Variants in TMEM135 observed in about 807,000 individuals in gnomAD.
TMEM135 encodes transmembrane protein 135, also known as peroxisomal membrane protein 52.
A neutral mutation model predicts 60.3 loss-of-function variants in TMEM135; 30 were observed. That is an observed-to-expected ratio of 0.50 (90% CI 0.37 to 0.68). The LOEUF (loss-of-function observed/expected upper bound fraction) is 0.68, where lower values mean the gene tolerates loss of function less well. Ranked by LOEUF, TMEM135 falls within the 30% of genes least tolerant of loss-of-function variation. The probability of loss-of-function intolerance (pLI) is 0.00; values close to 1 mark genes in which losing one functional copy is unlikely to be tolerated. For synonymous variants in TMEM135, 190 were observed against 186.7 expected (o/e 1.02, Z -0.14); for missense variants, 468 against 548.8 (o/e 0.85, Z 1.47).
At chr11:87,316,728 C>T (rs1204772229) in intron 12 of TMEM135, among the ~76,000 whole-genome samples, 1 of 151,820 alleles carries the variant, frequency 6.6e-6, no homozygotes, top group East Asian at 1.9e-4. Flanking sequence ...CAAGAGGAAA[C>T]CAATATTGAG....
chr11:87,091,501 T>G, intron 4 of TMEM135, 106 bp downstream of exon 4: 1 of 1,090,352 alleles, frequency 9.2e-7, no homozygotes, highest in South Asian at 1.3e-5. Flanking sequence ...TATTTGAGGA[T>G]AATCTTCTCT....
chr11:87,040,739 A>G (rs891516864), intron 1 of TMEM135, among the ~76,000 whole-genome samples: 2 of 151,854 alleles, frequency 1.3e-5, no homozygotes, highest in African/African-American at 4.8e-5. Flanking sequence ...GACTTTGTAT[A>G]TGTTACTTTA....
intron 5 of TMEM135, among the ~76,000 whole-genome samples, chr11:87,169,961 T>C (rs1939186186): frequency 6.6e-6 from 1 of 152,184 alleles, no homozygotes; most frequent in African/African-American, 2.4e-5. Flanking sequence ...TTTGGTCTTT[T>C]CATATAGTCC....
chr11:87,264,481 A>G (rs761986254), intron 6 of TMEM135, among the ~76,000 whole-genome samples: 11 of 151,878 alleles, frequency 7.2e-5, no homozygotes, highest in Non-Finnish European at 1.3e-4. Flanking sequence ...CTGTTTATAT[A>G]TTATTGATAG....
intron 5 of TMEM135, among the ~76,000 whole-genome samples, chr11:87,223,056 A>G (rs1191703149): frequency 1.3e-5 from 2 of 152,172 alleles, no homozygotes; most frequent in Non-Finnish European, 2.9e-5. Context: ...TTTCCTTGCT[A>G]TAATAAGCAT....
intron 5 of TMEM135, among the ~76,000 whole-genome samples, chr11:87,167,663 T>A (rs777226299): frequency 2.0e-5 from 3 of 152,202 alleles, no homozygotes; most frequent in Non-Finnish European, 4.4e-5. Context: ...GAAGCTGACT[T>A]GATCATGGTG....
At chr11:87,212,069 G>A (rs571758830) in intron 5 of TMEM135, among the ~76,000 whole-genome samples, 3 of 152,284 alleles carry the variant, frequency 2.0e-5, no homozygotes, top group Non-Finnish European at 2.9e-5. Flanking sequence ...ATTATTTAGA[G>A]GAGATATTGT....
At chr11:87,039,065 A>G (rs1949729124) in intron 1 of TMEM135, among the ~76,000 whole-genome samples, 1 of 152,184 alleles carries the variant, frequency 6.6e-6, no homozygotes, top group Non-Finnish European at 1.5e-5. Context: ...AAGACAGATC[A>G]TATTTTTTGT....
Position 87,327,030 on chromosome 11 carries a change from A to G in TMEM135, c.*5697A>G. ...GGCAGTTTTTCCTTGCTGAGGGAACACTGATGTTGTTTAAGACAGTTACAT... is the reference window on the plus strand; with the variant it reads ...GGCAGTTTTTCCTTGCTGAGGGAACGCTGATGTTGTTTAAGACAGTTACAT... On this transcript the variant is annotated 3_prime_UTR_variant, in exon 15 of 15. Coordinates refer to ENST00000305494, the MANE Select transcript of TMEM135 (RefSeq NM_022918.4). 1 of 453,508 alleles carries G rather than the reference A, an allele frequency of 2.2e-6. No individual in the cohort carries two copies. Among genetic ancestry groups the G allele is most frequent in the Non-Finnish European group, 4.4e-6 (1 of 226,720 alleles). The allele number at this position is 453,508 out of a possible 1,614,324, so 28.1% of individuals were successfully genotyped here. A position where few individuals can be genotyped will look rare whatever the true frequency, so the allele number is the denominator to read the frequency against.
At chr11:87,300,368 G>C (rs551396779) in intron 7 of TMEM135, among the ~76,000 whole-genome samples, 1 of 152,168 alleles carries the variant, frequency 6.6e-6, no homozygotes, top group Non-Finnish European at 1.5e-5. Context: ...AGACTCTGAA[G>C]GTGCGCTAGC....
chr11:87,167,442 G>A (rs1939086590), intron 5 of TMEM135, among the ~76,000 whole-genome samples: 1 of 152,116 alleles, frequency 6.6e-6, no homozygotes, highest in African/African-American at 2.4e-5. Flanking sequence ...TTGTCTGTGG[G>A]TTTGTCATAA....
intron 5 of TMEM135, among the ~76,000 whole-genome samples, chr11:87,179,365 T>C (rs756629201): frequency 3.3e-5 from 5 of 152,104 alleles, no homozygotes; most frequent in Non-Finnish European, 7.3e-5. Context: ...GAAGACAAAA[T>C]GTTCTAAATT....
At chr11:87,071,241 A>G (rs1020123354) in intron 2 of TMEM135, among the ~76,000 whole-genome samples, 4 of 152,218 alleles carry the variant, frequency 2.6e-5, no homozygotes, top group Non-Finnish European at 4.4e-5. Context: ...ATTTAAGGGA[A>G]TAATTTAATA....
intron 6 of TMEM135, among the ~76,000 whole-genome samples, chr11:87,285,258 C>CTTT (rs1381855031): frequency 3.9e-5 from 6 of 152,100 alleles, no homozygotes; most frequent in African/African-American, 1.2e-4. Context: ...CTAGTGTATT[C>CTTT]TTTTACGTGG....
intron 5 of TMEM135, among the ~76,000 whole-genome samples, chr11:87,193,153 A>G (rs1210512698): frequency 6.6e-6 from 1 of 152,054 alleles, no homozygotes; most frequent in East Asian, 1.9e-4. Flanking sequence ...TTTTCATCAT[A>G]TATAATAGGC....
At chr11:87,038,609 CT>C (rs3045930) in intron 1 of TMEM135, among the ~76,000 whole-genome samples, 43,287 of 113,334 alleles carry the variant, frequency 0.38, 8,962 homozygotes, top group Non-Finnish European at 0.49. Flanking sequence ...TTTTATTTTG[CT>C]TTTTTTTTTT....
At chr11:87,091,105 T>A (rs1410175709) in intron 3 of TMEM135, among the ~76,000 whole-genome samples, 1 of 152,082 alleles carries the variant, frequency 6.6e-6, no homozygotes. Flanking sequence ...GGGGAAATAG[T>A]AATTTTAAAT....
At chr11:87,214,142 ATTC>A (rs923606705) in intron 5 of TMEM135, among the ~76,000 whole-genome samples, 5 of 152,150 alleles carry the variant, frequency 3.3e-5, no homozygotes, top group Non-Finnish European at 7.4e-5. Context: ...CTGAGTCTTA[ATTC>A]TTTAATTCCA....
At chr11:87,151,141 G>A (rs1485661533) in intron 4 of TMEM135, among the ~76,000 whole-genome samples, 1 of 152,046 alleles carries the variant, frequency 6.6e-6, no homozygotes, top group African/African-American at 2.4e-5. Context: ...AAAAATCACT[G>A]TGCTGAGTAT....
Sources: gnomAD v4.1 joint callset for allele counts (sites outside exome capture counted in the v4.1 genomes callset) on GRCh38, gnomAD v4.1.1 for gene constraint, MANE v1.5 for transcripts, NCBI Gene and HGNC (gene_info 2026-07-23, HGNC 2026-07-21) for gene names.